Variants in LAMA2 observed in about 807,000 individuals in gnomAD.
LAMA2 encodes the protein laminin subunit alpha 2.
Under a neutral mutation model 364.8 loss-of-function variants are expected in LAMA2, and 269 were observed. That is an observed-to-expected ratio of 0.74 (90% CI 0.67 to 0.82). LAMA2 has a LOEUF of 0.82. LAMA2 is among the 40% of genes least tolerant of loss of function. The pLI, the probability that LAMA2 is intolerant of heterozygous loss-of-function variation, is 0.00. For missense variants in LAMA2, 3,807 were observed against 3,873.2 expected (o/e 0.98, Z 0.45); for synonymous variants, 1,379 against 1,370.6 (o/e 1.01, Z -0.14).
chr6:129,290,508 AC>A (rs1311052774), intron 19 of LAMA2, among the ~76,000 whole-genome samples: 1 of 152,122 alleles, frequency 6.6e-6, no homozygotes, highest in Non-Finnish European at 1.5e-5. Flanking sequence ...TAAAAGGAGA[AC>A]CTAGAGCCAG....
chr6:129,441,193 G>A (rs1037023935), intron 43 of LAMA2, among the ~76,000 whole-genome samples, 195 bp downstream of exon 43: 2 of 152,104 alleles, frequency 1.3e-5, no homozygotes, highest in Non-Finnish European at 2.9e-5. Flanking sequence ...CTCTGCCCCG[G>A]TGCTTTTTTC....
intron 55 of LAMA2, among the ~76,000 whole-genome samples, chr6:129,485,213 A>G (rs1784535335): frequency 1.3e-5 from 2 of 152,216 alleles, no homozygotes; most frequent in South Asian, 4.1e-4. Flanking sequence ...CATCATTGCC[A>G]GATATTTAAA....
chr6:129,409,524 T>C (rs1193776739), intron 40 of LAMA2, among the ~76,000 whole-genome samples: 2 of 152,220 alleles, frequency 1.3e-5, no homozygotes, highest in African/African-American at 4.8e-5. Flanking sequence ...ATCCAGTTCA[T>C]GAAAGGCAGT....
chr6:129,113,685 A>G (rs2114905352), intron 4 of LAMA2, among the ~76,000 whole-genome samples: 1 of 152,220 alleles, frequency 6.6e-6, no homozygotes, highest in Middle Eastern at 3.4e-3. Context: ...TGTTCTTAGA[A>G]GATAAATCAT....
Position 129,338,322 on chromosome 6 carries a change from A to T in LAMA2, c.4312-4021A>T, listed in dbSNP as rs993637. Among the ~76,000 whole-genome samples, 447 of 152,344 alleles carry T rather than the reference A, an allele frequency of 2.9e-3. 1 individual carries two copies. Among genetic ancestry groups the T allele is most frequent in the African/African-American group, 9.9e-3 (412 of 41,582 alleles). ...TTGGCACATTCATCTCTATAAAATA[A>T]GTTCTTAAAACACTCCCCAGTTAAC... On this transcript the variant is annotated intron_variant, in intron 29 of 64. Transcript: ENST00000421865.
chr6:129,256,328 A>G (rs930930088), intron 14 of LAMA2, among the ~76,000 whole-genome samples: 2 of 152,106 alleles, frequency 1.3e-5, no homozygotes, highest in African/African-American at 4.8e-5. Context: ...GTTTATTGAT[A>G]CTTAAATGAA....
intron 1 of LAMA2, among the ~76,000 whole-genome samples, chr6:128,888,957 T>G (rs1776296278): frequency 6.6e-6 from 1 of 152,220 alleles, no homozygotes; most frequent in South Asian, 2.1e-4. Context: ...ATTTAAGTGA[T>G]TCTACATTCA....
At chr6:129,353,413 A>G in intron 32 of LAMA2, 56 bp downstream of exon 32, 1 of 1,425,768 alleles carries the variant, frequency 7.0e-7, no homozygotes, top group Admixed American at 1.7e-5. Context: ...GTTCTGTCTC[A>G]TTTCCAATGA....
At chr6:129,489,329 TAC>T (rs1175289499) in intron 56 of LAMA2, among the ~76,000 whole-genome samples, 1 of 151,312 alleles carries the variant, frequency 6.6e-6, no homozygotes, top group African/African-American at 2.4e-5. Context: ...TGCCTCTCTT[TAC>T]TCCTCCTCCC....
intron 1 of LAMA2, among the ~76,000 whole-genome samples, chr6:128,966,308 A>C (rs1043132559): frequency 1.3e-5 from 2 of 151,990 alleles, no homozygotes; most frequent in African/African-American, 4.8e-5. Flanking sequence ...ATGTTTGTAT[A>C]AATGTAGAGA....
chr6:129,368,949 C>G (rs1218368927), intron 33 of LAMA2, among the ~76,000 whole-genome samples: 1 of 152,158 alleles, frequency 6.6e-6, no homozygotes, highest in East Asian at 1.9e-4. Flanking sequence ...TAACTTGTTG[C>G]AACAAGGGGC....
At chr6:129,468,627 C>T (rs1583822818) in intron 51 of LAMA2, among the ~76,000 whole-genome samples, 1 of 151,988 alleles carries the variant, frequency 6.6e-6, no homozygotes, top group African/African-American at 2.4e-5. Flanking sequence ...AGCATATGGT[C>T]ATTGACTTGC....
At chr6:129,465,750 T>C (rs1783510075) in intron 51 of LAMA2, among the ~76,000 whole-genome samples, 1 of 151,966 alleles carries the variant, frequency 6.6e-6, no homozygotes. Context: ...ATGACATGTT[T>C]ATGATTCGGG....
At chr6:129,025,432 A>C (rs1785742652) in intron 1 of LAMA2, among the ~76,000 whole-genome samples, 1 of 152,216 alleles carries the variant, frequency 6.6e-6, no homozygotes, top group Non-Finnish European at 1.5e-5. Context: ...ATTTAAAAAA[A>C]TAGTGGCGTG....
At chr6:129,093,933 G>A (rs528440693) in intron 3 of LAMA2, among the ~76,000 whole-genome samples, 42 of 152,272 alleles carry the variant, frequency 2.8e-4, no homozygotes, top group Non-Finnish European at 5.0e-4. Flanking sequence ...TACTAGTGGG[G>A]AGTCTGCCTT....
At chr6:129,225,926 C>T (rs2115111737) in intron 12 of LAMA2, among the ~76,000 whole-genome samples, 2 of 152,260 alleles carry the variant, frequency 1.3e-5, no homozygotes, top group South Asian at 4.2e-4. Flanking sequence ...CTAATGTTGA[C>T]AGTGGGGTGT....
intron 1 of LAMA2, among the ~76,000 whole-genome samples, chr6:128,885,753 G>C (rs1224405617): frequency 6.6e-6 from 1 of 152,130 alleles, no homozygotes; most frequent in African/African-American, 2.4e-5. Context: ...AGTTGAGTTA[G>C]AAACATAACC....
At chr6:129,285,908 T>C (rs191203082) in intron 18 of LAMA2, among the ~76,000 whole-genome samples, 3 of 152,246 alleles carry the variant, frequency 2.0e-5, no homozygotes, top group African/African-American at 7.2e-5. Context: ...TAAAATCTTT[T>C]GTGAATATAA....
chr6:129,348,673 A>G (rs1360715959), intron 30 of LAMA2, among the ~76,000 whole-genome samples: 1 of 152,198 alleles, frequency 6.6e-6, no homozygotes, highest in Non-Finnish European at 1.5e-5. Flanking sequence ...ATTAGAAAAT[A>G]CCATAAAATA....
Sources: allele counts gnomAD v4.1 joint callset (sites outside exome capture counted in the v4.1 genomes callset), GRCh38; gene constraint gnomAD v4.1.1; transcripts MANE v1.5; gene names NCBI Gene and HGNC (gene_info 2026-07-23, HGNC 2026-07-21).